Variants in ZNF536 observed in about 807,000 individuals in gnomAD.
ZNF536 encodes the protein zinc finger protein 536.
ZNF536 carries 13 observed loss-of-function variants against 84.5 expected under a neutral mutation model. The ratio of observed to expected loss-of-function variants is 0.15; its 90% confidence interval spans 0.10 to 0.24. The LOEUF is 0.24. Ranked by LOEUF, ZNF536 falls within the 10% of genes least tolerant of loss-of-function variation. ZNF536 has a pLI of 1.00. For synonymous variants in ZNF536, 811 were observed against 742.5 expected, an observed-to-expected ratio of 1.09 and a Z score of -1.50; for missense variants, 1,536 against 1,747.5, an observed-to-expected ratio of 0.88 and a Z score of 2.16.
intron 1 of ZNF536, among the ~76,000 whole-genome samples, chr19:30,426,983 G>GTA (rs1029570599): frequency 6.6e-6 from 1 of 151,946 alleles, no homozygotes; most frequent in Non-Finnish European, 1.5e-5. Context: ...ATCCATCCAT[G>GTA]TATCCATCCA....
chr19:30,466,098 C>T (rs1822818830), intron 2 of ZNF536, among the ~76,000 whole-genome samples: 1 of 151,874 alleles, frequency 6.6e-6, no homozygotes, highest in South Asian at 2.1e-4. Flanking sequence ...CACCTATGGT[C>T]TCAGCTACTC....
intron 1 of ZNF536, among the ~76,000 whole-genome samples, chr19:30,283,296 G>A (rs926766519): frequency 6.6e-6 from 1 of 152,304 alleles, no homozygotes; most frequent in African/African-American, 2.4e-5. Context: ...GTGGGCTGGA[G>A]ATCACAGGCT....
chr19:30,459,989 T>A (rs963190836), intron 2 of ZNF536, among the ~76,000 whole-genome samples: 2 of 152,168 alleles, frequency 1.3e-5, no homozygotes, highest in Non-Finnish European at 2.9e-5. Flanking sequence ...GGACTCTAAC[T>A]GAGGTGGAGT....
chr19:30,458,155 G>A (rs8101093), intron 2 of ZNF536, among the ~76,000 whole-genome samples: 2,859 of 152,278 alleles, frequency 0.019, 91 homozygotes, highest in African/African-American at 0.066. Context: ...ACACATTTTC[G>A]GGGCCATGCG....
chr19:30,559,373 C>T (rs1160486820), downstream of ZNF536, among the ~76,000 whole-genome samples: 1 of 152,220 alleles, frequency 6.6e-6, no homozygotes, highest in Non-Finnish European at 1.5e-5. Context: ...GTTTCCACTG[C>T]CAGTGTATAT....
At chr19:30,610,239 C>A (rs1055467061) in intron 1 of ZNF536, among the ~76,000 whole-genome samples, 2 of 152,218 alleles carry the variant, frequency 1.3e-5, no homozygotes, top group Non-Finnish European at 2.9e-5. Flanking sequence ...TTCCTTAGAT[C>A]TAAAACATGG....
At chr19:30,486,153 T>C (rs1264836925) in intron 2 of ZNF536, among the ~76,000 whole-genome samples, 2 of 152,194 alleles carry the variant, frequency 1.3e-5, no homozygotes, top group Non-Finnish European at 2.9e-5. Flanking sequence ...GTTTGTTACA[T>C]AGGTAAACAT....
chr19:30,467,113 C>T (rs1334865714), intron 2 of ZNF536, among the ~76,000 whole-genome samples: 1 of 152,196 alleles, frequency 6.6e-6, no homozygotes, highest in Non-Finnish European at 1.5e-5. Context: ...GCTGGGATTA[C>T]AGGCATGAGC....
At chr19:30,650,498 T>C (rs529098457) in intron 1 of ZNF536, among the ~76,000 whole-genome samples, 1 of 152,380 alleles carries the variant, frequency 6.6e-6, no homozygotes, top group East Asian at 1.9e-4. Context: ...TGAGTTTGCT[T>C]TTTCTTTTAC....
chr19:30,471,316 T>C (rs906912384), intron 2 of ZNF536, among the ~76,000 whole-genome samples: 1 of 152,184 alleles, frequency 6.6e-6, no homozygotes, highest in African/African-American at 2.4e-5. Flanking sequence ...GCCACAGCTG[T>C]TTTAAAGATA....
intron 2 of ZNF536, among the ~76,000 whole-genome samples, chr19:30,519,458 C>G (rs766053253): frequency 2.4e-4 from 36 of 152,302 alleles, no homozygotes; most frequent in Admixed American, 1.6e-3. Flanking sequence ...TCAAGGAGAG[C>G]CTGGAGGAGC....
intron 2 of ZNF536, among the ~76,000 whole-genome samples, chr19:30,518,407 C>A (rs2044178217): frequency 6.6e-6 from 1 of 152,000 alleles, no homozygotes; most frequent in African/African-American, 2.4e-5. Context: ...GTTTTGATTC[C>A]CAAAATTGCA....
chr19:30,438,872 G>C (rs1310031127), intron 1 of ZNF536, among the ~76,000 whole-genome samples: 2 of 151,928 alleles, frequency 1.3e-5, no homozygotes. Context: ...GTAGAGATGG[G>C]GCTTTGCCAT....
intron 1 of ZNF536, among the ~76,000 whole-genome samples, chr19:30,427,670 C>G (rs1317343026): frequency 6.6e-6 from 1 of 152,050 alleles, no homozygotes; most frequent in African/African-American, 2.4e-5. Context: ...CTTTTCTGTT[C>G]CTTTTGGTCT....
At chr19:30,379,562 G>A (rs995523705) in intron 1 of ZNF536, among the ~76,000 whole-genome samples, 2 of 151,372 alleles carry the variant, frequency 1.3e-5, no homozygotes, top group Admixed American at 6.6e-5. Flanking sequence ...AGGTGGAAGG[G>A]GTGAAGGGTG....
At chr19:30,450,680 A>G (rs1179535522) in intron 2 of ZNF536, among the ~76,000 whole-genome samples, 3 of 152,210 alleles carry the variant, frequency 2.0e-5, no homozygotes, top group African/African-American at 7.2e-5. Context: ...GATATTAGGA[A>G]CTTGAAATTA....
At chr19:30,266,236 G>A (rs1473792877) in intron 1 of ZNF536, among the ~76,000 whole-genome samples, 2 of 152,098 alleles carry the variant, frequency 1.3e-5, no homozygotes, top group African/African-American at 4.8e-5. Flanking sequence ...TTTTTGTAGA[G>A]AGGGGGTCTC....
chr19:30,667,614 G>GT (rs918704605), intron 1 of ZNF536, among the ~76,000 whole-genome samples: 2 of 136,068 alleles, frequency 1.5e-5, no homozygotes. Flanking sequence ...CTCAGCTAGA[G>GT]TTTTTTCTAG....
chr19:30,556,313 A>G (rs1488509518), intron 4 of ZNF536: 1 of 152,318 alleles, frequency 6.6e-6, no homozygotes, highest in Non-Finnish European at 1.5e-5. Context: ...AACCTGCTGC[A>G]GAGCTTTTCT....
Sources: gnomAD v4.1 joint callset for allele counts (sites outside exome capture counted in the v4.1 genomes callset) on GRCh38, gnomAD v4.1.1 for gene constraint, MANE v1.5 for transcripts, NCBI Gene and HGNC (gene_info 2026-07-23, HGNC 2026-07-21) for gene names.